Variants in DEPDC4 observed in about 807,000 individuals in gnomAD.
The protein encoded by DEPDC4 is DEP domain containing 4, also known as DEP domain-containing protein 4.
DEPDC4 carries 52 observed loss-of-function variants against 52.0 expected under a neutral mutation model. The observed-to-expected ratio is 1.00, with a 90% CI of 0.80 to 1.26. DEPDC4 has a LOEUF of 1.26. Ranked by LOEUF, DEPDC4 falls within the 50% of genes most tolerant of loss-of-function variation. DEPDC4 has a pLI of 0.00. For missense variants in DEPDC4, 530 were observed against 546.9 expected (o/e 0.97, Z 0.31); for synonymous variants, 201 against 196.8 (o/e 1.02, Z -0.18).
downstream of DEPDC4, among the ~76,000 whole-genome samples, chr12:100,239,342 C>T (rs2153903535): frequency 6.6e-6 from 1 of 151,888 alleles, no homozygotes; most frequent in African/African-American, 2.4e-5. Context: ...TCTCAAAGTG[C>T]TGGGATTACA....
At chr12:100,267,097 C>T (rs769863882), upstream of DEPDC4, 8 of 1,609,896 alleles carry the variant, frequency 5.0e-6, no homozygotes, top group South Asian at 1.1e-5. Context: ...CACCTGACAC[C>T]CGGGGCGGAG....
the DEPDC4 span, among the ~76,000 whole-genome samples, chr12:100,278,520 GT>G: frequency 6.6e-6 from 1 of 151,644 alleles, no homozygotes; most frequent in Non-Finnish European, 1.5e-5. Flanking sequence ...AGTTTTGAAA[GT>G]TTTTTCCCCA....
chr12:100,274,564 G>C, the DEPDC4 span, among the ~76,000 whole-genome samples: 1 of 152,116 alleles, frequency 6.6e-6, no homozygotes, highest in Admixed American at 6.5e-5. Context: ...AAACTTCCTT[G>C]TGCTTTACTC....
Position 100,266,947 on chromosome 12 carries a change from C to G in DEPDC4, c.130G>C (p.Asp44His), listed in dbSNP as rs578077180. The G allele has an allele frequency of 2.5e-6, 4 of 1,613,800 alleles. No homozygotes were observed. Among genetic ancestry groups the G allele is most frequent in the South Asian group, 1.1e-5 (1 of 90,966 alleles). Residue 44 changes from aspartate (D) to histidine (H), a missense_variant, in exon 1 of 10, where the codon GAT becomes CAT. Asp to His is a moderately conservative substitution (Grantham distance 81). Coordinates refer to ENST00000550587, the MANE Select transcript of DEPDC4 (RefSeq NM_001364818.2). ...LNGPSSRNRR[D>H]GFCRKRRTGC... ...GTCCTCCTTTTCCGGCAGAAGCCAT[C>G]TCTACGGTTCCTGGAACTTGGCCCG... is the stretch of plus-strand genomic sequence containing the variant.
chr12:100,244,111 A>ATG (rs2153905147), intron 8 of DEPDC4, among the ~76,000 whole-genome samples: 1 of 113,126 alleles, frequency 8.8e-6, no homozygotes, highest in Admixed American at 8.6e-5. Flanking sequence ...ATATATATAT[A>ATG]TATATATATA....
chr12:100,237,954 T>G (rs953161892), downstream of DEPDC4: 1 of 404,054 alleles, frequency 2.5e-6, no homozygotes, highest in African/African-American at 2.2e-5. Context: ...TAGTGATGAC[T>G]AGCAAATCCC....
Position 100,253,490 on chromosome 12 carries a change from TA to T in DEPDC4, c.1103del (p.Leu368Ter). The T allele has an allele frequency of 8.0e-7, 1 of 1,243,784 alleles. No homozygotes were observed. The highest frequency in any genetic ancestry group is 1.1e-6 in the Non-Finnish European group (1 of 951,606). 77.0% of individuals were successfully genotyped at this position (1,243,784 alleles called of 1,614,324 possible). A position where few individuals can be genotyped will look rare whatever the true frequency, so the allele number is the denominator to read the frequency against. On this transcript the variant is annotated frameshift_variant and splice_region_variant, in exon 5 of 10. Coordinates refer to ENST00000550587, the MANE Select transcript of DEPDC4 (RefSeq NM_001364818.2). LOFTEE classifies it high-confidence loss of function. ...FDIHSGIIEL[L>X]ENEKRAEALE... is the part of the protein sequence containing the mutation. ...TAAAATATAAACATCCTATCTTACC[TA>T]AAAGTTCAATAATTCCTGAATGAAT...
At chr12:100,255,200 G>A (rs2096227406) in intron 4 of DEPDC4, among the ~76,000 whole-genome samples, 1 of 152,244 alleles carries the variant, frequency 6.6e-6, no homozygotes, top group Admixed American at 6.5e-5. Flanking sequence ...ACTGGCTGCT[G>A]TGAGTTTCCT....
chr12:100,235,325 A>G (rs1396000304), downstream of DEPDC4, among the ~76,000 whole-genome samples: 1 of 149,866 alleles, frequency 6.7e-6, no homozygotes, highest in Non-Finnish European at 1.5e-5. Flanking sequence ...ATGATTCCAG[A>G]GCCCATATTC....
intron 4 of DEPDC4, among the ~76,000 whole-genome samples, chr12:100,254,711 C>T (rs1219990530): frequency 6.6e-6 from 1 of 151,680 alleles, no homozygotes; most frequent in East Asian, 1.9e-4. Flanking sequence ...CTCCCTCCCT[C>T]CTTCCCTCTC....
intron 8 of DEPDC4, among the ~76,000 whole-genome samples, chr12:100,244,132 T>TACAC (rs1224766977): frequency 1.7e-5 from 2 of 117,782 alleles, no homozygotes; most frequent in Non-Finnish European, 3.6e-5. Context: ...TATATATATA[T>TACAC]ATACACAAAA....
At chr12:100,259,504 A>G (rs1289861485) in intron 3 of DEPDC4, among the ~76,000 whole-genome samples, 1 of 152,234 alleles carries the variant, frequency 6.6e-6, no homozygotes, top group Non-Finnish European at 1.5e-5. Flanking sequence ...GGAATAATAT[A>G]TATTTTCAGT....
Position 100,241,556 on chromosome 12 carries a change from A to T in DEPDC4, c.*336T>A. 2.9e-6 allele frequency: 2 copies of T among 685,450 alleles called. No individual in the cohort carries two copies. The highest frequency in any genetic ancestry group is 3.8e-6 in the Non-Finnish European group (2 of 522,754). 42.5% of individuals were successfully genotyped at this position (685,450 alleles called of 1,614,324 possible). ...TCTACAAAATAAAAATAAAAAATAA[A>T]ACACTTAAAATCCTTTGAGATTATG... On this transcript the variant is annotated 3_prime_UTR_variant, in exon 10 of 10. Transcript: ENST00000550587.
intron 6 of DEPDC4, 30 bp from the exon 7 acceptor site, chr12:100,252,331 A>G: frequency 1.3e-6 from 2 of 1,506,956 alleles, no homozygotes; most frequent in African/African-American, 2.9e-5. Flanking sequence ...CATTAGCATA[A>G]ATGGTTTTTA....
At chr12:100,279,135 A>C in the DEPDC4 span, among the ~76,000 whole-genome samples, 1 of 152,182 alleles carries the variant, frequency 6.6e-6, no homozygotes, top group Non-Finnish European at 1.5e-5. Context: ...CAGGGACCGG[A>C]TTCGTGGAAG....
chr12:100,256,010 CTG>C, intron 4 of DEPDC4, 37 bp downstream of exon 4: 1 of 1,496,910 alleles, frequency 6.7e-7, no homozygotes, highest in Non-Finnish European at 9.1e-7. Flanking sequence ...GTGAAAAAAA[CTG>C]TTTACAAATT....
rs886912320 is a variant in DEPDC4, at chr12:100,242,482, T to C, written c.*46+4A>G. 1.3e-5 allele frequency: 2 copies of C among 153,990 alleles called. No homozygotes were observed. The highest frequency in any genetic ancestry group is 4.8e-5 in the African/African-American group (2 of 41,510). The allele number at this position is 153,990 out of a possible 1,614,324, so 9.5% of individuals were successfully genotyped here. On this transcript the variant is annotated splice_donor_region_variant and intron_variant, in intron 9 of 9. Coordinates refer to ENST00000550587, the MANE Select transcript of DEPDC4 (RefSeq NM_001364818.2). ...AATAATAATATCTTACAATGAATGC[T>C]TACCATGTGTCAACCTTTTGGTACT...
At chr12:100,233,546 A>G (rs2096137336) in intron 9 of DEPDC4, among the ~76,000 whole-genome samples, 1 of 152,178 alleles carries the variant, frequency 6.6e-6, no homozygotes, top group Non-Finnish European at 1.5e-5. Context: ...TTACTTTTCC[A>G]AGGGTGGGAC....
intron 4 of DEPDC4, among the ~76,000 whole-genome samples, chr12:100,255,083 C>T (rs1377879303): frequency 6.6e-6 from 1 of 152,156 alleles, no homozygotes; most frequent in African/African-American, 2.4e-5. Context: ...ATGTGTGATT[C>T]ATTGTCTTCT....
Sources: allele counts gnomAD v4.1 joint callset (sites outside exome capture counted in the v4.1 genomes callset), GRCh38; gene constraint gnomAD v4.1.1; transcripts MANE v1.5; gene names NCBI Gene and HGNC (gene_info 2026-07-23, HGNC 2026-07-21).